The following FAT3 variants were observed in gnomAD, a reference collection of about 807,000 sequenced individuals.
FAT3 encodes the protein protocadherin Fat 3.
Under a neutral mutation model 310.2 loss-of-function variants are expected in FAT3, and 95 were observed. That is an observed-to-expected ratio of 0.31 (90% CI 0.26 to 0.36). The LOEUF (loss-of-function observed/expected upper bound fraction) is 0.36. Ranked by LOEUF, FAT3 falls within the 10% of genes least tolerant of loss-of-function variation. The probability of loss-of-function intolerance (pLI) is 1.00; values close to 1 mark genes in which losing one functional copy is unlikely to be tolerated. For synonymous variants in FAT3, 2,314 were observed against 2,192.9 expected, an observed-to-expected ratio of 1.06 and a Z score of -1.54; for missense variants, 5,408 against 5,715.6, an observed-to-expected ratio of 0.95 and a Z score of 1.74.
chr11:92,835,539 C>A (rs1392559221), intron 15 of FAT3, among the ~76,000 whole-genome samples: 1 of 152,026 alleles, frequency 6.6e-6, no homozygotes, highest in Non-Finnish European at 1.5e-5. Context: ...TTCAAATGTT[C>A]TTACCACAAA....
rs1006376158 is a variant in FAT3, at chr11:92,417,965, A to G, written c.3292+62561A>G. Among the ~76,000 whole-genome samples, 30 of 152,232 alleles carry G rather than the reference A, an allele frequency of 2.0e-4. No individual in the cohort carries two copies. The East Asian group carries it at 5.8e-3, about 29-fold the overall frequency. The stretch of plus-strand genomic sequence containing the variant: ...CCCCTAAACCAGCAGGTGCTTAATG[A>G]ATTCCTGTTGAGTTAATGGGGGTGG... On this transcript the variant is annotated intron_variant, in intron 2 of 27. Coordinates refer to ENST00000525166, the MANE Select transcript of FAT3 (RefSeq NM_001367949.2).
At chr11:92,885,769 C>G (rs980482968) in intron 24 of FAT3, among the ~76,000 whole-genome samples, 1 of 152,110 alleles carries the variant, frequency 6.6e-6, no homozygotes, top group Non-Finnish European at 1.5e-5. Flanking sequence ...TTGTCATTTC[C>G]TTCCTTGTGT....
intron 13 of FAT3, among the ~76,000 whole-genome samples, chr11:92,824,094 C>T (rs1948040499): frequency 6.6e-6 from 1 of 152,108 alleles, no homozygotes; most frequent in Non-Finnish European, 1.5e-5. Flanking sequence ...TGGTGGCTCA[C>T]CCCTGTAATC....
chr11:92,531,789 T>C (rs749461733), intron 3 of FAT3, among the ~76,000 whole-genome samples: 1 of 152,182 alleles, frequency 6.6e-6, no homozygotes, highest in Admixed American at 6.5e-5. Flanking sequence ...TTATTGTGAA[T>C]GTAAGTACCA....
chr11:92,425,261 A>C (rs1195950795), intron 2 of FAT3, among the ~76,000 whole-genome samples: 1 of 152,086 alleles, frequency 6.6e-6, no homozygotes, highest in Non-Finnish European at 1.5e-5. Context: ...TAGCATTTTC[A>C]ATGGGCCCTA....
intron 3 of FAT3, among the ~76,000 whole-genome samples, chr11:92,663,245 G>T (rs1942846059): frequency 6.6e-6 from 1 of 152,170 alleles, no homozygotes; most frequent in Non-Finnish European, 1.5e-5. Flanking sequence ...GAGTTGTATT[G>T]CAGGAAGGTT....
chr11:92,761,770 G>A (rs181510579), intron 4 of FAT3, 86 bp from the exon 5 acceptor site: 114 of 1,207,552 alleles, frequency 9.4e-5, no homozygotes, highest in South Asian at 1.6e-4. Flanking sequence ...AGCATTGTCC[G>A]TGCATTAGAA....
chr11:92,630,262 G>A (rs1472583042), intron 3 of FAT3, among the ~76,000 whole-genome samples: 1 of 152,088 alleles, frequency 6.6e-6, no homozygotes, highest in Non-Finnish European at 1.5e-5. Flanking sequence ...CAGCCCTTTG[G>A]TCTCTTTGAT....
At chr11:92,485,519 T>C (rs1021034658) in intron 2 of FAT3, among the ~76,000 whole-genome samples, 1 of 88,722 alleles carries the variant, frequency 1.1e-5, no homozygotes, top group African/African-American at 6.4e-5. Flanking sequence ...ATTTTAATCA[T>C]CTTAATGAGG....
At chr11:92,678,312 G>A (rs903530211) in intron 3 of FAT3, among the ~76,000 whole-genome samples, 6 of 152,218 alleles carry the variant, frequency 3.9e-5, no homozygotes, top group Non-Finnish European at 7.3e-5. Context: ...CTGGGAGGCA[G>A]TGCAAAGGGA....
intron 1 of FAT3, among the ~76,000 whole-genome samples, chr11:92,230,557 G>A (rs1445970844): frequency 6.6e-6 from 1 of 152,134 alleles, no homozygotes; most frequent in African/African-American, 2.4e-5. Flanking sequence ...GCCTCCCAAA[G>A]TGCTCGGATT....
chr11:92,753,267 A>G (rs944491071), intron 4 of FAT3, among the ~76,000 whole-genome samples: 1 of 152,202 alleles, frequency 6.6e-6, no homozygotes, highest in Non-Finnish European at 1.5e-5. Context: ...CAACCAGCAG[A>G]TATGTCAGAT....
At chr11:92,763,973 C>G (rs1263555544) in intron 5 of FAT3, among the ~76,000 whole-genome samples, 1 of 152,168 alleles carries the variant, frequency 6.6e-6, no homozygotes, top group Non-Finnish European at 1.5e-5. Context: ...CTATAGCTAT[C>G]AGTTATGTTC....
At chr11:92,594,622 G>A (rs1326138065) in intron 3 of FAT3, among the ~76,000 whole-genome samples, 1 of 152,038 alleles carries the variant, frequency 6.6e-6, no homozygotes. Context: ...GTCAAGCACT[G>A]TGCTGGATAC....
chr11:92,670,955 A>T (rs955429618), intron 3 of FAT3, among the ~76,000 whole-genome samples: 49 of 152,142 alleles, frequency 3.2e-4, no homozygotes, highest in African/African-American at 9.7e-4. Flanking sequence ...CTAAATTTTT[A>T]AAAAATCCCA....
At chr11:92,537,737 G>T (rs935650303) in intron 3 of FAT3, among the ~76,000 whole-genome samples, 7 of 152,084 alleles carry the variant, frequency 4.6e-5, no homozygotes, top group African/African-American at 1.7e-4. Context: ...ATATACCCTT[G>T]TAATAATAAT....
At chr11:92,753,798 G>GTGTATATATATATATATATATA in intron 4 of FAT3, among the ~76,000 whole-genome samples, 2 of 119,116 alleles carry the variant, frequency 1.7e-5, no homozygotes, top group African/African-American at 3.9e-5. Context: ...GTGTGTGTGT[G>GTGTATATATATATATATATATA]TATATATATA....
chr11:92,317,202 C>A (rs1369992911), intron 1 of FAT3, among the ~76,000 whole-genome samples: 1 of 152,180 alleles, frequency 6.6e-6, no homozygotes. Context: ...TCTTCTCTCC[C>A]TGCAAACATG....
At chr11:92,490,446 C>G (rs1366498721) in intron 2 of FAT3, among the ~76,000 whole-genome samples, 1 of 152,122 alleles carries the variant, frequency 6.6e-6, no homozygotes, top group East Asian at 1.9e-4. Flanking sequence ...TAGGCTGTCT[C>G]CTCTCCTTTC....
Sources: gnomAD v4.1 joint callset for allele counts (sites outside exome capture counted in the v4.1 genomes callset) on GRCh38, gnomAD v4.1.1 for gene constraint, MANE v1.5 for transcripts, NCBI Gene and HGNC (gene_info 2026-07-23, HGNC 2026-07-21) for gene names.